TMC1: variants seen among roughly 807,000 people sequenced by gnomAD.
TMC1 encodes transmembrane channel-like protein 1.
In TMC1, 84 loss-of-function variants were observed where a neutral mutation model predicts 105.8. The observed-to-expected ratio is 0.79, with a 90% CI of 0.67 to 0.95. The LOEUF is 0.95. TMC1 is among the 40% of genes least tolerant of loss of function. The probability of loss-of-function intolerance (pLI) is 0.00; values close to 1 mark genes in which losing one functional copy is unlikely to be tolerated. For missense variants in TMC1, 817 were observed against 914.1 expected (o/e 0.89, Z 1.37); for synonymous variants, 315 against 311.5 (o/e 1.01, Z -0.12).
At chr9:72,677,970 T>A (rs567199884) in intron 5 of TMC1, among the ~76,000 whole-genome samples, 2 of 152,150 alleles carry the variant, frequency 1.3e-5, no homozygotes, top group Non-Finnish European at 2.9e-5. Flanking sequence ...ATGTAAAGAA[T>A]AACATTGATG....
At chr9:72,809,972 AC>A (rs1828670937) in intron 18 of TMC1, among the ~76,000 whole-genome samples, 1 of 151,942 alleles carries the variant, frequency 6.6e-6, no homozygotes, top group African/African-American at 2.4e-5. Context: ...AGAGAGAGAG[AC>A]AGGCGTGCAT....
intron 23 of TMC1, among the ~76,000 whole-genome samples, chr9:72,833,398 T>A (rs775568265): frequency 3.9e-5 from 6 of 152,240 alleles, no homozygotes; most frequent in Admixed American, 6.5e-5. Context: ...ATCTGTCCAT[T>A]TCATTTCCTT....
At chr9:72,772,282 T>TA in intron 12 of TMC1, 131 bp from the exon 13 acceptor site, 1 of 1,111,798 alleles carries the variant, frequency 9.0e-7, no homozygotes, top group Non-Finnish European at 1.4e-6. Context: ...AGCAAAACAA[T>TA]AGGGCTCATG....
chr9:72,615,380 A>G (rs1825109608), intron 2 of TMC1, among the ~76,000 whole-genome samples: 1 of 152,134 alleles, frequency 6.6e-6, no homozygotes, highest in East Asian at 1.9e-4. Flanking sequence ...TTTAGAGCCT[A>G]TTTTCAACCA....
chr9:72,816,664 G>A (rs1326179341), intron 19 of TMC1, among the ~76,000 whole-genome samples: 1 of 152,050 alleles, frequency 6.6e-6, no homozygotes, highest in African/African-American at 2.4e-5. Flanking sequence ...AAATCCAATA[G>A]TTTATCGAGA....
chr9:72,586,327 C>T (rs968268175), intron 2 of TMC1, among the ~76,000 whole-genome samples: 62 of 152,292 alleles, frequency 4.1e-4, no homozygotes, highest in Non-Finnish European at 1.2e-4. Flanking sequence ...CACTCTTGTT[C>T]AGTGGCTTGA....
intron 5 of TMC1, among the ~76,000 whole-genome samples, chr9:72,671,188 G>T (rs989461373): frequency 1.3e-5 from 2 of 152,168 alleles, no homozygotes; most frequent in African/African-American, 4.8e-5. Context: ...ATACAATGGG[G>T]TTATGATCTA....
At position 72,830,616 on chromosome 9, in the gene TMC1, T is replaced by A; in HGVS notation, c.2209-15T>A. The A allele has an allele frequency of 1.2e-6, 2 of 1,613,248 alleles. No individual in the cohort carries two copies. The highest frequency in any genetic ancestry group is 8.5e-7 in the Non-Finnish European group (1 of 1,179,444). On this transcript the variant is annotated splice_polypyrimidine_tract_variant and intron_variant, in intron 22 of 23. Transcript: ENST00000297784. ...TGAGAAATCTACTTTTTTCCCCTTA[T>A]TTTTTATTGTGTAGCAAGCTTTGGA... is the stretch of plus-strand genomic sequence containing the variant.
At chr9:72,528,589 C>T (rs1823446054) in intron 1 of TMC1, among the ~76,000 whole-genome samples, 1 of 152,152 alleles carries the variant, frequency 6.6e-6, no homozygotes, top group African/African-American at 2.4e-5. Flanking sequence ...CCGCCTCGGC[C>T]TCCCAAAGTG....
chr9:72,595,932 A>G (rs1421327072), intron 2 of TMC1, among the ~76,000 whole-genome samples: 19 of 148,728 alleles, frequency 1.3e-4, no homozygotes, highest in Non-Finnish European at 3.0e-5. Context: ...GCTGGAGTGC[A>G]GTGGCGTGAT....
chr9:72,827,838 A>G (rs925417151), intron 21 of TMC1, among the ~76,000 whole-genome samples: 1 of 152,226 alleles, frequency 6.6e-6, no homozygotes, highest in Non-Finnish European at 1.5e-5. Flanking sequence ...GTTGATGCAA[A>G]GGATTTGGTT....
intron 1 of TMC1, among the ~76,000 whole-genome samples, chr9:72,561,000 G>A (rs1019818030): frequency 6.6e-6 from 1 of 151,948 alleles, no homozygotes; most frequent in Non-Finnish European, 1.5e-5. Flanking sequence ...GCAAGAGCAG[G>A]AGTATGTTTT....
chr9:72,685,137 T>C (rs866401515), intron 5 of TMC1, among the ~76,000 whole-genome samples: 178 of 143,596 alleles, frequency 1.2e-3, no homozygotes, highest in African/African-American at 4.2e-3. Flanking sequence ...GACGGAGTCT[T>C]GCTCTTTCGC....
chr9:72,700,743 TAC>T (rs1189207416), intron 8 of TMC1, 100 bp downstream of exon 8: 176 of 144,390 alleles, frequency 1.2e-3, no homozygotes, highest in South Asian at 3.2e-3. Context: ...TATATATATA[TAC>T]ACACACACAC....
chr9:72,530,508 T>C (rs891937936), intron 1 of TMC1, among the ~76,000 whole-genome samples: 1 of 151,858 alleles, frequency 6.6e-6, no homozygotes, highest in African/African-American at 2.4e-5. Context: ...AAGAATCGCT[T>C]GAACCCGGGA....
At position 72,649,090 on chromosome 9, in the gene TMC1, T is replaced by C. The variant is rs191836188; in HGVS notation, c.16+426T>C. Among the ~76,000 whole-genome samples the C allele has an allele frequency of 2.2e-4, 34 of 152,290 alleles. No individual in the cohort carries two copies. In the South Asian group the frequency reaches 5.8e-3, roughly 26 times the overall value. On this transcript the variant is annotated intron_variant, in intron 5 of 23. Coordinates refer to ENST00000297784, the MANE Select transcript of TMC1 (RefSeq NM_138691.3). ...GAGTTAAGCAAAGTTCTAAATTAAG[T>C]TGAGAAGAGGAAGCAGGTAAAGTCA...
At chr9:72,558,168 T>TTC (rs968870403) in intron 1 of TMC1, among the ~76,000 whole-genome samples, 7 of 150,658 alleles carry the variant, frequency 4.6e-5, no homozygotes, top group Admixed American at 2.0e-4. Context: ...CTTTCTCTCT[T>TTC]TCTCTCTCTC....
At chr9:72,526,962 A>G (rs1167325956) in intron 1 of TMC1, among the ~76,000 whole-genome samples, 1 of 152,180 alleles carries the variant, frequency 6.6e-6, no homozygotes, top group Non-Finnish European at 1.5e-5. Context: ...AGGCCATGGA[A>G]TTGGTCTCAA....
chr9:72,726,593 T>G lies in TMC1; in HGVS notation c.363-13526T>G, dbSNP rs538634004. Among the ~76,000 whole-genome samples, 163 of 152,334 alleles carry G rather than the reference T, an allele frequency of 1.1e-3. 1 individual carries two copies. The highest frequency in any genetic ancestry group is 3.6e-3 in the African/African-American group (149 of 41,582). On this transcript the variant is annotated intron_variant, in intron 8 of 23. Transcript: ENST00000297784. ...CAGTCTTCCATGTCTAAGTTTGTCA[T>G]GTGGCAAACAATCAAATTTACCTGG... is the stretch of plus-strand genomic sequence containing the variant.
Sources: allele counts gnomAD v4.1 joint callset (sites outside exome capture counted in the v4.1 genomes callset), GRCh38; gene constraint gnomAD v4.1.1; transcripts MANE v1.5; gene names NCBI Gene and HGNC (gene_info 2026-07-23, HGNC 2026-07-21).